USP54: variants seen among roughly 807,000 people sequenced by gnomAD.
The protein encoded by USP54 is ubiquitin specific peptidase 54.
USP54 carries 87 observed loss-of-function variants against 170.5 expected under a neutral mutation model. The observed-to-expected ratio is 0.51, with a 90% confidence interval of 0.43 to 0.61. The LOEUF is 0.61. Ranked by LOEUF, USP54 falls within the 20% of genes least tolerant of loss-of-function variation. The pLI, the probability that USP54 is intolerant of heterozygous loss-of-function variation, is 0.00. For synonymous variants in USP54, 655 were observed against 742.8 expected (o/e 0.88, Z 1.92); for missense variants, 1,786 against 2,047.8 (o/e 0.87, Z 2.47).
intron 10 of USP54, among the ~76,000 whole-genome samples, chr10:73,537,147 T>C (rs562943770): frequency 2.0e-5 from 3 of 152,316 alleles, no homozygotes; most frequent in South Asian, 2.1e-4. Flanking sequence ...ACAACTAGCA[T>C]AGTGATATGT....
chr10:73,595,972 A>G (rs1401503207), upstream of USP54, among the ~76,000 whole-genome samples: 1 of 152,054 alleles, frequency 6.6e-6, no homozygotes, highest in Non-Finnish European at 1.5e-5. Context: ...TTAGCTGGGC[A>G]TGGTGGCGTG....
intron 20 of USP54, among the ~76,000 whole-genome samples, chr10:73,508,771 G>T (rs1471019727): frequency 1.3e-5 from 2 of 151,602 alleles, no homozygotes; most frequent in Non-Finnish European, 2.9e-5. Flanking sequence ...AGGTTCAAGG[G>T]ATTCTCCTGC....
At chr10:73,618,054 T>C (rs1462495671) in intron 1 of USP54, among the ~76,000 whole-genome samples, 1 of 149,528 alleles carries the variant, frequency 6.7e-6, no homozygotes, top group Non-Finnish European at 1.5e-5. Context: ...CTACTAAAAA[T>C]ACAAAAATTA....
At chr10:73,592,437 T>C (rs997142809), upstream of USP54, among the ~76,000 whole-genome samples, 10 of 149,432 alleles carry the variant, frequency 6.7e-5, no homozygotes, top group African/African-American at 2.5e-4. Context: ...GTATATTAAA[T>C]TGAAGTAGTC....
At position 73,536,224 on chromosome 10, in the gene USP54, G is replaced by GCA. The variant is rs1262736318; in HGVS notation, c.1144+43_1144+44dup. The GCA allele has an allele frequency of 1.9e-6, 3 of 1,603,870 alleles. No homozygotes were observed. In the African/African-American group the frequency reaches 4.0e-5, roughly 21 times the overall value. On this transcript the variant is annotated intron_variant, in intron 11 of 23. Transcript: ENST00000687698. The stretch of plus-strand genomic sequence containing the variant: ...AACTATGAGTCCCAACTGTTTGATC[G>GCA]CATGGGGTGAGGAGAGAGGAGAGGT...
intron 4 of USP54, among the ~76,000 whole-genome samples, chr10:73,551,632 C>T (rs1590296121): frequency 2.0e-5 from 3 of 152,184 alleles, no homozygotes; most frequent in African/African-American, 7.2e-5. Flanking sequence ...AAGGTCAACC[C>T]AGCTTGGCAA....
intron 1 of USP54, chr10:73,606,312 T>G (rs555996083): frequency 6.6e-6 from 1 of 152,158 alleles, no homozygotes; most frequent in Non-Finnish European, 1.5e-5. Flanking sequence ...TTACCACAAT[T>G]TTTTAAAAAA....
At position 73,599,899 on chromosome 10, in the gene USP54, CT is replaced by C. The variant is rs536461848; in HGVS notation, c.-17-24225del. Among the ~76,000 whole-genome samples the C allele has an allele frequency of 4.6e-3, 541 of 117,956 alleles. 1 individual carries two copies. The highest frequency in any genetic ancestry group is 0.023 in the East Asian group (93 of 4,066). The allele number at this position is 117,956 out of a possible 152,430, so 77.4% of individuals were successfully genotyped here. On this transcript the variant is annotated intron_variant, in intron 1 of 22. Coordinates refer to the USP54 transcript ENST00000339859. ...GAACCAAAATCGATTGCACTTTGGGCTTTTTTTTTTTTTTTTTTTGAGATAG... is the reference window on the plus strand; with the variant it reads ...GAACCAAAATCGATTGCACTTTGGGCTTTTTTTTTTTTTTTTTTGAGATAG...
In USP54 at chr10:73,599,210, A is replaced by G. The variant is rs190081797; in HGVS notation, c.-17-23535T>C. On this transcript the variant is annotated intron_variant, in intron 1 of 22. Coordinates refer to the USP54 transcript ENST00000339859. ...CGATGTCTGACACATTCACTTAACC[A>G]ATCAATGAAATTTGTATCACTACAT... 2.3e-3 allele frequency among the ~76,000 whole-genome samples: 357 copies of G among 152,352 alleles called. 3 individuals carry two copies. The highest frequency in any genetic ancestry group is 8.0e-3 in the African/African-American group (332 of 41,584).
At chr10:73,502,812 A>T (rs1295254541) in intron 22 of USP54, among the ~76,000 whole-genome samples, 1 of 152,048 alleles carries the variant, frequency 6.6e-6, no homozygotes, top group Non-Finnish European at 1.5e-5. Context: ...TTCAATGGCT[A>T]TGATTCCCAG....
At chr10:73,537,207 T>G (rs183534260) in intron 10 of USP54, among the ~76,000 whole-genome samples, 8 of 152,300 alleles carry the variant, frequency 5.3e-5, no homozygotes, top group Admixed American at 4.6e-4. Flanking sequence ...ATTAAAACAT[T>G]TATATGCTCT....
chr10:73,516,219 C>G (rs1262942184), intron 20 of USP54, among the ~76,000 whole-genome samples, 156 bp downstream of exon 20: 1 of 152,160 alleles, frequency 6.6e-6, no homozygotes, highest in East Asian at 1.9e-4. Flanking sequence ...ATGTCTAGGT[C>G]TTGTCCTGAA....
intron 18 of USP54, chr10:73,520,208 T>A: frequency 1.6e-6 from 1 of 628,764 alleles, no homozygotes; most frequent in Non-Finnish European, 2.7e-6. Flanking sequence ...AACAGGTTAA[T>A]CCAAATTAAA....
intron 4 of USP54, among the ~76,000 whole-genome samples, chr10:73,550,318 G>A (rs1306379060): frequency 6.6e-6 from 1 of 152,106 alleles, no homozygotes; most frequent in Non-Finnish European, 1.5e-5. Flanking sequence ...TCTATGCCTG[G>A]ATCATTCTTC....
chr10:73,612,839 CAAAAAAAAAA>C (rs756355670), intron 1 of USP54, among the ~76,000 whole-genome samples: 2 of 42,132 alleles, frequency 4.7e-5, no homozygotes, highest in East Asian at 1.4e-3. Context: ...GACATTGTCT[CAAAAAAAAAA>C]AAAAAAAAAA....
At chr10:73,547,512 A>G (rs1216921624) in intron 4 of USP54, among the ~76,000 whole-genome samples, 3 of 152,226 alleles carry the variant, frequency 2.0e-5, no homozygotes, top group Non-Finnish European at 4.4e-5. Flanking sequence ...CCAAAACAGC[A>G]TGGTACTGGT....
rs771926814 is a variant in USP54, at chr10:73,526,763, C to T, written c.2078G>A (p.Arg693Lys). The change falls in exon 16 of 24, where the codon AGA (arginine) becomes AAA (lysine). Residue 693 changes from arginine to lysine, a missense_variant. Coordinates refer to ENST00000687698, the MANE Select transcript of USP54 (RefSeq NM_001391956.1). ...CCAGGAAGGAACCAACCCAGCTGAT[C>T]TCTTAGCACTTGGATCCCTTCAAAA... ...SNVYRDPSAK[R>K]SAGLVPSWRH... 3 of 1,614,008 alleles carry T rather than the reference C, an allele frequency of 1.9e-6. No individual in the cohort carries two copies. The highest frequency in any genetic ancestry group is 2.5e-6 in the Non-Finnish European group (3 of 1,179,982).
chr10:73,560,524 C>T (rs1295563825), intron 4 of USP54, among the ~76,000 whole-genome samples: 1 of 150,274 alleles, frequency 6.7e-6, no homozygotes, highest in Admixed American at 6.6e-5. Context: ...ATTAGCCGGG[C>T]ATGGTGGCGG....
At chr10:73,502,621 C>A (rs986172588) in intron 22 of USP54, among the ~76,000 whole-genome samples, 2 of 152,118 alleles carry the variant, frequency 1.3e-5, no homozygotes, top group African/African-American at 4.8e-5. Flanking sequence ...CTATTCCTTT[C>A]TTCTTGAAAC....
Sources: allele counts gnomAD v4.1 joint callset (sites outside exome capture counted in the v4.1 genomes callset), GRCh38; gene constraint gnomAD v4.1.1; transcripts MANE v1.5; gene names NCBI Gene and HGNC (gene_info 2026-07-23, HGNC 2026-07-21).